The following BNC2 variants were observed in gnomAD, a reference collection of about 807,000 sequenced individuals.
BNC2 encodes zinc finger protein basonuclin-2.
Under a neutral mutation model 76.3 loss-of-function variants are expected in BNC2, and 20 were observed. The observed-to-expected ratio is 0.26, with a 90% CI of 0.18 to 0.38. The LOEUF (loss-of-function observed/expected upper bound fraction) is 0.38, where lower values mean the gene tolerates loss of function less well. BNC2 is among the 10% of genes least tolerant of loss of function. The pLI is 1.00. For synonymous variants in BNC2, 582 were observed against 514.8 expected (o/e 1.13, Z -1.77); for missense variants, 1,382 against 1,399.8 (o/e 0.99, Z 0.20).
At position 16,752,523 on chromosome 9, in the gene BNC2, G is replaced by A. The variant is rs1343833294; in HGVS notation, c.4-14038C>T. Among the ~76,000 whole-genome samples, 4 of 152,188 alleles carry A rather than the reference G, an allele frequency of 2.6e-5. No homozygotes were observed. The East Asian group carries it at 7.7e-4, about 29-fold the overall frequency. ...GCTGTGAATTAGTAGTTTAATCTTAGAAGTAAAATTCTTACGCAGTCTTAG... is the reference window on the plus strand; with the variant it reads ...GCTGTGAATTAGTAGTTTAATCTTAAAAGTAAAATTCTTACGCAGTCTTAG... On this transcript the variant is annotated intron_variant, in intron 1 of 6. Transcript: ENST00000380672.
At chr9:16,677,863 A>G (rs999235381) in intron 3 of BNC2, among the ~76,000 whole-genome samples, 4 of 152,204 alleles carry the variant, frequency 2.6e-5, no homozygotes, top group African/African-American at 4.8e-5. Flanking sequence ...TTTCTTTCAA[A>G]AAATTCGCCA....
chr9:16,441,308 C>T (rs190199631), intron 5 of BNC2, among the ~76,000 whole-genome samples: 1 of 151,932 alleles, frequency 6.6e-6, no homozygotes, highest in Admixed American at 6.6e-5. Flanking sequence ...TCTCAAAAAC[C>T]AAAAAATCAT....
intron 5 of BNC2, among the ~76,000 whole-genome samples, chr9:16,520,889 CA>C (rs1301373217): frequency 1.3e-5 from 2 of 152,168 alleles, no homozygotes; most frequent in African/African-American, 4.8e-5. Flanking sequence ...CAAAGAAAAA[CA>C]GAAATCCAAG....
chr9:16,549,360 C>T (rs1343757720), intron 5 of BNC2, among the ~76,000 whole-genome samples: 2 of 152,224 alleles, frequency 1.3e-5, no homozygotes, highest in African/African-American at 2.4e-5. Flanking sequence ...GCCACCCTAA[C>T]CTGCCTTGAT....
At chr9:16,567,078 G>C (rs1372379220) in intron 4 of BNC2, among the ~76,000 whole-genome samples, 1 of 152,148 alleles carries the variant, frequency 6.6e-6, no homozygotes, top group Non-Finnish European at 1.5e-5. Flanking sequence ...AAACAAAGGA[G>C]AAATTGAGGC....
chr9:16,739,407 G>A (rs542033697), intron 1 of BNC2, among the ~76,000 whole-genome samples: 1 of 152,290 alleles, frequency 6.6e-6, no homozygotes, highest in East Asian at 1.9e-4. Context: ...GGTGGCTCAC[G>A]CCTCTAATCC....
intron 1 of BNC2, among the ~76,000 whole-genome samples, chr9:16,815,562 G>C (rs1236420749): frequency 1.3e-5 from 2 of 152,192 alleles, no homozygotes; most frequent in Admixed American, 1.3e-4. Flanking sequence ...TGATGATAGA[G>C]TTCAGCCTTT....
intron 1 of BNC2, 124 bp downstream of exon 1, chr9:16,870,522 T>G: frequency 9.1e-7 from 1 of 1,103,794 alleles, no homozygotes; most frequent in East Asian, 2.8e-5. Flanking sequence ...CAGCGCCCCT[T>G]GCCCCTCACG....
intron 1 of BNC2, among the ~76,000 whole-genome samples, chr9:16,778,200 C>T (rs572465663): frequency 1.3e-5 from 2 of 152,282 alleles, no homozygotes; most frequent in Non-Finnish European, 2.9e-5. Flanking sequence ...ACAAATACTA[C>T]AATTACTCTC....
chr9:16,472,078 T>G (rs1821837516), intron 5 of BNC2, among the ~76,000 whole-genome samples: 1 of 152,206 alleles, frequency 6.6e-6, no homozygotes. Flanking sequence ...CCTCTTTTTG[T>G]TCCCAGTTTC....
chr9:16,516,070 A>T (rs1156811840), intron 5 of BNC2, among the ~76,000 whole-genome samples: 2 of 152,222 alleles, frequency 1.3e-5, no homozygotes, highest in African/African-American at 4.8e-5. Flanking sequence ...CTTTTCAAAG[A>T]CAACACTGCT....
At chr9:16,501,915 G>A (rs572144143) in intron 5 of BNC2, among the ~76,000 whole-genome samples, 1 of 152,182 alleles carries the variant, frequency 6.6e-6, no homozygotes, top group African/African-American at 2.4e-5. Context: ...GAGAATAAGT[G>A]ACTAAGCCTG....
intron 5 of BNC2, among the ~76,000 whole-genome samples, chr9:16,479,300 G>C (rs1800222905): frequency 6.6e-6 from 1 of 151,572 alleles, no homozygotes; most frequent in African/African-American, 2.4e-5. Context: ...AGAAAAAATT[G>C]GTGGTTGGAA....
At chr9:16,576,703 A>C (rs563608171) in intron 4 of BNC2, among the ~76,000 whole-genome samples, 1 of 152,350 alleles carries the variant, frequency 6.6e-6, no homozygotes, top group African/African-American at 2.4e-5. Context: ...CTGAGATCTC[A>C]TGATTCTAAA....
In BNC2 at chr9:16,814,001, G is replaced by C. The variant is rs1284846993; in HGVS notation, c.3+56645C>G. 3.3e-5 allele frequency among the ~76,000 whole-genome samples: 5 copies of C among 152,244 alleles called. No individual in the cohort carries two copies. In the East Asian group the frequency reaches 9.6e-4, roughly 29 times the overall value. On this transcript the variant is annotated intron_variant, in intron 1 of 6. Coordinates refer to ENST00000380672, the MANE Select transcript of BNC2 (RefSeq NM_017637.6). The stretch of plus-strand genomic sequence containing the variant: ...CCTCCCCAGACACGGTGTACTAAAA[G>C]GATTTGGCTTGTCTCGTCTGTCCTG...
intron 5 of BNC2, among the ~76,000 whole-genome samples, chr9:16,480,842 C>G (rs911947461): frequency 1.8e-4 from 27 of 152,192 alleles, no homozygotes; most frequent in Non-Finnish European, 4.0e-4. Flanking sequence ...AGTGCCACCC[C>G]CTGCTCCACG....
rs565059886 is a variant in BNC2 at position 16,480,407 on chromosome 9, G to A, written c.670-42883C>T. Among the ~76,000 whole-genome samples, 24 of 152,356 alleles carry A rather than the reference G, an allele frequency of 1.6e-4. No homozygotes were observed. In the East Asian group the frequency reaches 3.5e-3, roughly 22 times the overall value. On this transcript the variant is annotated intron_variant, in intron 5 of 6. Transcript: ENST00000380672. ...CCTCTGCCTGGGCTCCCACTTTGGC[G>A]GCACTTGAGGAGCCCTTCAGCCCAC...
chr9:16,820,697 A>G (rs1818304268), intron 1 of BNC2, among the ~76,000 whole-genome samples: 1 of 152,166 alleles, frequency 6.6e-6, no homozygotes, highest in African/African-American at 2.4e-5. Flanking sequence ...GTCCTAGAGG[A>G]AAAATATTTC....
At chr9:16,441,656 T>G (rs1269198250) in intron 5 of BNC2, among the ~76,000 whole-genome samples, 1 of 152,228 alleles carries the variant, frequency 6.6e-6, no homozygotes, top group East Asian at 1.9e-4. Flanking sequence ...GTCAGTTGGA[T>G]GGCTCTTTTC....
Sources: gnomAD v4.1 joint callset for allele counts (sites outside exome capture counted in the v4.1 genomes callset) on GRCh38, gnomAD v4.1.1 for gene constraint, MANE v1.5 for transcripts, NCBI Gene and HGNC (gene_info 2026-07-23, HGNC 2026-07-21) for gene names.